Variants in ATP10A observed in about 807,000 individuals in gnomAD.
ATP10A encodes ATPase phospholipid transporting 10A (putative).
ATP10A carries 111 observed loss-of-function variants against 147.8 expected under a neutral mutation model. The ratio of observed to expected loss-of-function variants is 0.75; its 90% CI spans 0.64 to 0.88. ATP10A has a LOEUF of 0.88. Ranked by LOEUF, ATP10A falls within the 40% of genes least tolerant of loss-of-function variation. The pLI, the probability that ATP10A is intolerant of heterozygous loss-of-function variation, is 0.00. For synonymous variants in ATP10A, 875 were observed against 841.6 expected, an observed-to-expected ratio of 1.04 and a Z score of -0.69; for missense variants, 1,927 against 1,959.0, an observed-to-expected ratio of 0.98 and a Z score of 0.31.
At chr15:25,733,968 C>T (rs1887113670) in intron 3 of ATP10A, among the ~76,000 whole-genome samples, 1 of 152,206 alleles carries the variant, frequency 6.6e-6, no homozygotes, top group Admixed American at 6.5e-5. Context: ...ATGACACCCA[C>T]TCAAGAGGCA....
chr15:25,718,542 G>GGGT, intron 7 of ATP10A, 143 bp from the exon 8 acceptor site: 1 of 809,954 alleles, frequency 1.2e-6, no homozygotes, highest in South Asian at 1.7e-5. Flanking sequence ...CTAATAGCAA[G>GGGT]GCACGGAGAA....
At chr15:25,720,598 G>A (rs1019748840) in intron 7 of ATP10A, among the ~76,000 whole-genome samples, 1 of 152,076 alleles carries the variant, frequency 6.6e-6, no homozygotes, top group Non-Finnish European at 1.5e-5. Flanking sequence ...AGGAGGGTAG[G>A]AGAAGGGAAA....
At chr15:25,767,795 T>C (rs1260294755) in intron 2 of ATP10A, among the ~76,000 whole-genome samples, 1 of 152,230 alleles carries the variant, frequency 6.6e-6, no homozygotes, top group Non-Finnish European at 1.5e-5. Flanking sequence ...GCCACTGCAG[T>C]GAGCAAGGAC....
chr15:25,816,794 G>T (rs1398736549), intron 1 of ATP10A, among the ~76,000 whole-genome samples: 5 of 152,060 alleles, frequency 3.3e-5, no homozygotes, highest in African/African-American at 9.7e-5. Context: ...AAAGATCTAA[G>T]ATCTCCACTT....
chr15:25,862,797 C>G lies in ATP10A; in HGVS notation c.300G>C (p.Val100=). Residue 100 remains valine, a synonymous_variant, in exon 1 of 21, where the codon GTG becomes GTC. Coordinates refer to ENST00000555815, the MANE Select transcript of ATP10A (RefSeq NM_024490.4). ...YFVFIALLNF[V]PAVNAFQPGL... ...CGGGCTGGAAGGCGTTCACCGCCGG[C>G]ACGAAGTTGAGCAGCGCGATGAAGA... The G allele has an allele frequency of 1.2e-6, 2 of 1,610,600 alleles. No individual in the cohort carries two copies. The highest frequency in any genetic ancestry group is 1.7e-6 in the Non-Finnish European group (2 of 1,178,388).
intron 1 of ATP10A, among the ~76,000 whole-genome samples, chr15:25,842,586 G>A (rs1892855301): frequency 6.6e-6 from 1 of 152,094 alleles, no homozygotes; most frequent in Non-Finnish European, 1.5e-5. Context: ...TATTTTGGGG[G>A]ATATTTCTAT....
At chr15:25,682,486 C>A (rs1244475341) in intron 17 of ATP10A, among the ~76,000 whole-genome samples, 1 of 152,184 alleles carries the variant, frequency 6.6e-6, no homozygotes, top group East Asian at 1.9e-4. Flanking sequence ...TGGCTAGGCT[C>A]TTCCTGTGGG....
Position 25,729,696 on chromosome 15 carries a change from C to T in ATP10A, c.741-2430G>A, listed in dbSNP as rs376710755. 9.9e-5 allele frequency among the ~76,000 whole-genome samples: 15 copies of T among 152,202 alleles called. 1 individual carries two copies. The highest frequency in any genetic ancestry group is 2.9e-4 in the African/African-American group (12 of 41,458). On this transcript the variant is annotated intron_variant, in intron 3 of 20. Transcript: ENST00000555815. ...CCCCACACAGCATGTTCTGTCCACT[C>T]TGTGCTAGCCTCTGCCTGAGGTAGC...
chr15:25,727,540 C>G (rs1257967374), intron 3 of ATP10A, among the ~76,000 whole-genome samples: 2 of 152,164 alleles, frequency 1.3e-5, no homozygotes, highest in Non-Finnish European at 2.9e-5. Flanking sequence ...GACTTGTTTT[C>G]ACTCCGGGAC....
chr15:25,820,122 AAATACATAT>A (rs1891819900), intron 1 of ATP10A, among the ~76,000 whole-genome samples: 1 of 152,196 alleles, frequency 6.6e-6, no homozygotes, highest in Non-Finnish European at 1.5e-5. Flanking sequence ...ATAGAAATAG[AAATACATAT>A]AGATAAATAA....
intron 1 of ATP10A, among the ~76,000 whole-genome samples, chr15:25,812,167 G>T (rs1053710714): frequency 6.6e-6 from 1 of 152,180 alleles, no homozygotes; most frequent in South Asian, 2.1e-4. Context: ...ATGACTTTTA[G>T]TTTAGTTTTT....
At chr15:25,805,438 G>A (rs1891138262) in intron 1 of ATP10A, among the ~76,000 whole-genome samples, 1 of 152,226 alleles carries the variant, frequency 6.6e-6, no homozygotes, top group Non-Finnish European at 1.5e-5. Flanking sequence ...CCCACTCACT[G>A]CAGCACACTT....
At chr15:25,783,649 C>T (rs1006333901) in intron 1 of ATP10A, among the ~76,000 whole-genome samples, 1 of 152,188 alleles carries the variant, frequency 6.6e-6, no homozygotes, top group Admixed American at 6.5e-5. Context: ...ACGTTGGGAA[C>T]AAAGATACAT....
At chr15:25,855,687 G>C (rs1323487132) in intron 1 of ATP10A, among the ~76,000 whole-genome samples, 3 of 152,108 alleles carry the variant, frequency 2.0e-5, no homozygotes, top group African/African-American at 7.2e-5. Flanking sequence ...CATTATACTG[G>C]AGCTTCTAGC....
intron 2 of ATP10A, among the ~76,000 whole-genome samples, chr15:25,754,001 C>T (rs1888289692): frequency 1.3e-5 from 2 of 152,084 alleles, no homozygotes; most frequent in Admixed American, 1.3e-4. Flanking sequence ...AGTCTTGCCA[C>T]GTTGCCTAGG....
intron 1 of ATP10A, among the ~76,000 whole-genome samples, chr15:25,786,791 A>G (rs937230628): frequency 1.2e-5 from 1 of 85,748 alleles, no homozygotes; most frequent in East Asian, 4.8e-4. Context: ...ATGCCCAGCT[A>G]GTTTTTTTTT....
At chr15:25,692,225 C>T (rs1021657206) in intron 14 of ATP10A, among the ~76,000 whole-genome samples, 3 of 152,110 alleles carry the variant, frequency 2.0e-5, no homozygotes, top group Non-Finnish European at 4.4e-5. Flanking sequence ...CAGCCCAGCA[C>T]GTTGTGGAGC....
At chr15:25,681,844 G>C (rs1042581472) in intron 17 of ATP10A, among the ~76,000 whole-genome samples, 2 of 152,130 alleles carry the variant, frequency 1.3e-5, no homozygotes, top group Non-Finnish European at 2.9e-5. Flanking sequence ...ATGAGGTCAG[G>C]AGATCGAGAC....
At chr15:25,856,214 T>C (rs776233527) in intron 1 of ATP10A, among the ~76,000 whole-genome samples, 2 of 152,206 alleles carry the variant, frequency 1.3e-5, no homozygotes, top group Non-Finnish European at 2.9e-5. Flanking sequence ...TTGAGGTAAC[T>C]GAATCATGGA....
Sources: allele counts gnomAD v4.1 joint callset (sites outside exome capture counted in the v4.1 genomes callset), GRCh38; gene constraint gnomAD v4.1.1; transcripts MANE v1.5; gene names NCBI Gene and HGNC (gene_info 2026-07-23, HGNC 2026-07-21).